SENP6: variants seen among roughly 807,000 people sequenced by gnomAD.
SENP6 encodes the protein SUMO specific peptidase 6.
A neutral mutation model predicts 134.5 loss-of-function variants in SENP6; 41 were observed. The ratio of observed to expected loss-of-function variants is 0.30; its 90% CI spans 0.24 to 0.40. The LOEUF (loss-of-function observed/expected upper bound fraction) is 0.40, where lower values mean the gene tolerates loss of function less well. Among genes scored for constraint, SENP6 ranks in the 10% least tolerant of loss-of-function variants. The probability of loss-of-function intolerance (pLI) is 1.00; values close to 1 mark genes in which losing one functional copy is unlikely to be tolerated. For synonymous variants in SENP6, 395 were observed against 429.8 expected (o/e 0.92, Z 1.00); for missense variants, 1,248 against 1,312.5 (o/e 0.95, Z 0.76).
At chr6:75,617,269 T>C (rs1294610496) in intron 1 of SENP6, among the ~76,000 whole-genome samples, 3 of 125,066 alleles carry the variant, frequency 2.4e-5, no homozygotes, top group Non-Finnish European at 3.4e-5. Flanking sequence ...CTTTCTTTTT[T>C]TTTTTTTTTT....
chr6:75,611,117 T>C (rs1767418286), intron 1 of SENP6: 1 of 152,174 alleles, frequency 6.6e-6, no homozygotes, highest in South Asian at 2.1e-4. Context: ...AATCAAGAAC[T>C]AAATTCTGGA....
intron 16 of SENP6, among the ~76,000 whole-genome samples, chr6:75,684,612 T>C (rs1582853453): frequency 1.3e-5 from 2 of 152,328 alleles, no homozygotes; most frequent in East Asian, 3.9e-4. Flanking sequence ...CATGAAGGGA[T>C]GTTGAATTTT....
intron 16 of SENP6, among the ~76,000 whole-genome samples, chr6:75,693,428 A>AC (rs201379212): frequency 0.019 from 2,806 of 151,632 alleles, 99 homozygotes; most frequent in African/African-American, 0.064. Context: ...AAAAAAAAAA[A>AC]ACACCAAAGT....
At chr6:75,687,214 G>A (rs921778066) in intron 16 of SENP6, among the ~76,000 whole-genome samples, 4 of 152,000 alleles carry the variant, frequency 2.6e-5, no homozygotes, top group Admixed American at 1.3e-4. Context: ...TGCATGTGTC[G>A]TGAAGTTCTT....
intron 7 of SENP6, among the ~76,000 whole-genome samples, chr6:75,649,612 G>C (rs1770715819): frequency 6.6e-6 from 1 of 152,122 alleles, no homozygotes; most frequent in Non-Finnish European, 1.5e-5. Flanking sequence ...CCGCCTCCCG[G>C]GTTCAAATAA....
At chr6:75,684,640 C>T (rs1773702400) in intron 16 of SENP6, among the ~76,000 whole-genome samples, 2 of 152,178 alleles carry the variant, frequency 1.3e-5, no homozygotes, top group South Asian at 4.1e-4. Context: ...GCCTTTTCTG[C>T]ATCTATTGAG....
chr6:75,683,484 T>C (rs547418949), intron 16 of SENP6, among the ~76,000 whole-genome samples: 8 of 152,370 alleles, frequency 5.3e-5, no homozygotes, highest in East Asian at 1.9e-4. Context: ...GCCTATGACC[T>C]GAATGGTATT....
chr6:75,717,745 T>G lies in SENP6; in HGVS notation c.*2151T>G, dbSNP rs1381527136. 1.3e-5 allele frequency: 2 copies of G among 152,200 alleles called. No homozygotes were observed. The highest frequency in any genetic ancestry group is 2.4e-5 in the African/African-American group (1 of 41,478). The allele number at this position is 152,200 out of a possible 1,614,324, so 9.4% of individuals were successfully genotyped here. On this transcript the variant is annotated 3_prime_UTR_variant, in exon 24 of 24. Coordinates refer to ENST00000447266, the MANE Select transcript of SENP6 (RefSeq NM_015571.4). ...GTTGTAAAACAGAACTTATAGAGGT[T>G]TGTTACTAGACACTGAAACTGCATG...
chr6:75,677,160 C>T lies in SENP6; in HGVS notation c.1752C>T (p.Pro584=). 6.2e-7 allele frequency: 1 copy of T among 1,612,432 alleles called. No individual in the cohort carries two copies. The highest frequency in any genetic ancestry group is 8.5e-7 in the Non-Finnish European group (1 of 1,179,080). ...NNISNFFAKI[P]FEEANGRLVA... is the part of the protein sequence containing the mutation. ...TCTCCAATTTTTTTGCGAAAATTCC[C>T]TTTGAAGAAGCTAATGGCAGACTTG... The change falls in exon 14 of 24, where the codon CCC becomes CCT. Residue 584 remains proline, a synonymous_variant. Transcript: ENST00000447266.
chr6:75,687,016 G>T (rs1053341754), intron 16 of SENP6, among the ~76,000 whole-genome samples: 10 of 152,092 alleles, frequency 6.6e-5, no homozygotes. Flanking sequence ...CATTCTCCCC[G>T]TCACTTTCAG....
chr6:75,661,785 A>G (rs905509240), intron 8 of SENP6, among the ~76,000 whole-genome samples: 2 of 152,182 alleles, frequency 1.3e-5, no homozygotes, highest in African/African-American at 4.8e-5. Flanking sequence ...ACAGTGGCTC[A>G]TGCCTGTAAT....
intron 19 of SENP6, among the ~76,000 whole-genome samples, chr6:75,705,502 C>T (rs971376830): frequency 4.6e-5 from 7 of 152,020 alleles, no homozygotes; most frequent in Non-Finnish European, 1.0e-4. Context: ...TGGGATCGCG[C>T]AACTGCACTT....
chr6:75,664,071 A>G (rs916201672), intron 9 of SENP6, among the ~76,000 whole-genome samples: 1 of 152,076 alleles, frequency 6.6e-6, no homozygotes, highest in Non-Finnish European at 1.5e-5. Flanking sequence ...GTAATTTCCA[A>G]GATCCTTAAT....
intron 1 of SENP6, among the ~76,000 whole-genome samples, chr6:75,612,363 C>T (rs527354520): frequency 3.3e-5 from 5 of 152,218 alleles, no homozygotes; most frequent in African/African-American, 7.2e-5. Context: ...TTCTAAGTTA[C>T]GTTTTTCTCA....
intron 19 of SENP6, among the ~76,000 whole-genome samples, chr6:75,706,365 T>G (rs1455455280): frequency 6.6e-6 from 1 of 152,198 alleles, no homozygotes; most frequent in African/African-American, 2.4e-5. Flanking sequence ...TCAGTGTGGC[T>G]TTTTAAAGTC....
At chr6:75,608,673 A>G (rs1767215535) in intron 1 of SENP6, among the ~76,000 whole-genome samples, 1 of 144,566 alleles carries the variant, frequency 6.9e-6, no homozygotes, top group Admixed American at 6.7e-5. Context: ...GTGATCTTGG[A>G]TAGATTACTT....
At chr6:75,667,554 A>C (rs1772339442) in intron 10 of SENP6, among the ~76,000 whole-genome samples, 1 of 152,192 alleles carries the variant, frequency 6.6e-6, no homozygotes, top group Non-Finnish European at 1.5e-5. Context: ...TGGACTTTAA[A>C]AATTGTTAAA....
At chr6:75,639,255 T>A (rs1025485487) in intron 5 of SENP6, among the ~76,000 whole-genome samples, 5 of 152,242 alleles carry the variant, frequency 3.3e-5, no homozygotes, top group Admixed American at 2.6e-4. Context: ...GCTTCGCTTC[T>A]TTAATAGGGA....
At chr6:75,637,764 G>A (rs1769640249) in intron 5 of SENP6, among the ~76,000 whole-genome samples, 1 of 152,076 alleles carries the variant, frequency 6.6e-6, no homozygotes, top group African/African-American at 2.4e-5. Context: ...AGGGGGATAT[G>A]GATGTCTATG....
Sources: allele counts gnomAD v4.1 joint callset (sites outside exome capture counted in the v4.1 genomes callset), GRCh38; gene constraint gnomAD v4.1.1; transcripts MANE v1.5; gene names NCBI Gene and HGNC (gene_info 2026-07-23, HGNC 2026-07-21).